Variants in SAMD12 observed in about 807,000 individuals in gnomAD.
SAMD12 encodes sterile alpha motif domain containing 12.
Under a neutral mutation model 15.0 loss-of-function variants are expected in SAMD12, and 9 were observed. The ratio of observed to expected loss-of-function variants is 0.60; its 90% CI spans 0.36 to 1.05. SAMD12 has a LOEUF of 1.05. Ranked by LOEUF, SAMD12 falls within the 50% of genes least tolerant of loss-of-function variation. SAMD12 has a pLI of 0.01. For missense variants in SAMD12, 230 were observed against 234.2 expected, an observed-to-expected ratio of 0.98 and a Z score of 0.12; for synonymous variants, 86 against 90.1, an observed-to-expected ratio of 0.96 and a Z score of 0.25.
At chr8:118,469,531 T>TATTTAA (rs1230688616) in intron 2 of SAMD12, among the ~76,000 whole-genome samples, 2 of 2,690 alleles carry the variant, frequency 7.4e-4, no homozygotes, top group African/African-American at 1.2e-3. Context: ...ATATAATATA[T>TATTTAA]TATATATATT....
chr8:118,543,991 CT>C (rs1826056818), intron 2 of SAMD12, among the ~76,000 whole-genome samples: 1 of 152,138 alleles, frequency 6.6e-6, no homozygotes, highest in South Asian at 2.1e-4. Flanking sequence ...TTGGCTCTCT[CT>C]GCATATAGAA....
intron 4 of SAMD12, among the ~76,000 whole-genome samples, chr8:118,326,290 T>A (rs964322268): frequency 3.9e-5 from 6 of 152,278 alleles, no homozygotes; most frequent in African/African-American, 1.4e-4. Flanking sequence ...GGACCAGGAT[T>A]GACATAAAAT....
chr8:118,222,814 C>T (rs921999342), intron 4 of SAMD12, among the ~76,000 whole-genome samples: 1 of 152,104 alleles, frequency 6.6e-6, no homozygotes, highest in Non-Finnish European at 1.5e-5. Flanking sequence ...CGAGGAAGTG[C>T]ATTTTAAAGT....
intron 4 of SAMD12, among the ~76,000 whole-genome samples, chr8:118,261,726 G>C (rs1813082328): frequency 1.3e-5 from 2 of 151,650 alleles, no homozygotes; most frequent in Admixed American, 6.6e-5. Flanking sequence ...TTTTGAAATA[G>C]GTGACAAGTC....
At chr8:118,503,844 C>G (rs151214281) in intron 2 of SAMD12, among the ~76,000 whole-genome samples, 8 of 152,282 alleles carry the variant, frequency 5.3e-5, no homozygotes, top group African/African-American at 1.9e-4. Context: ...CATCACAAAA[C>G]GGTTGCAGAG....
chr8:118,133,020 A>ATATATG, the SAMD12 span, among the ~76,000 whole-genome samples: 3 of 97,296 alleles, frequency 3.1e-5, no homozygotes, highest in African/African-American at 1.2e-4. Flanking sequence ...ATATATATAT[A>ATATATG]TATATATCTT....
In SAMD12 at chr8:118,431,717, T is replaced by TGC. The variant is rs71307457; in HGVS notation, c.322+8114_322+8115insGC. ...GTGTGTGTGTGTGTGTGTGTGTGTGTGTGTGTGTGTGTTTGAGAAAAGTAG... is the reference window on the plus strand; with the variant it reads ...GTGTGTGTGTGTGTGTGTGTGTGTGTGCGTGTGTGTGTGTTTGAGAAAAGTAG... On this transcript the variant is annotated intron_variant, in intron 3 of 3. Coordinates refer to ENST00000314727, the MANE Select transcript of SAMD12 (RefSeq NM_207506.3). Among the ~76,000 whole-genome samples the TGC allele has an allele frequency of 7.2e-3, 1,079 of 150,448 alleles. 8 individuals carry two copies. The highest frequency in any genetic ancestry group is 0.011 in the South Asian group (51 of 4,760).
At chr8:118,536,766 G>C (rs1399076247) in intron 2 of SAMD12, among the ~76,000 whole-genome samples, 1 of 152,212 alleles carries the variant, frequency 6.6e-6, no homozygotes, top group South Asian at 2.1e-4. Flanking sequence ...TTTGATTGAT[G>C]CATCTTTCAG....
At chr8:118,403,242 G>A (rs1303951517) in intron 3 of SAMD12, among the ~76,000 whole-genome samples, 1 of 152,152 alleles carries the variant, frequency 6.6e-6, no homozygotes, top group Non-Finnish European at 1.5e-5. Context: ...TGAAAACAAA[G>A]AGAAAGGAAC....
intron 2 of SAMD12, among the ~76,000 whole-genome samples, chr8:118,476,755 A>G (rs966734636): frequency 6.6e-6 from 1 of 152,120 alleles, no homozygotes; most frequent in African/African-American, 2.4e-5. Flanking sequence ...ATACATACTA[A>G]AATTATTTCA....
intron 2 of SAMD12, among the ~76,000 whole-genome samples, chr8:118,459,735 C>T (rs1001770299): frequency 4.6e-5 from 7 of 152,170 alleles, no homozygotes; most frequent in African/African-American, 9.7e-5. Context: ...AGGCAGAAGA[C>T]AAATGGTTAG....
intron 4 of SAMD12, among the ~76,000 whole-genome samples, chr8:118,372,793 C>T (rs1366410602): frequency 6.6e-6 from 1 of 151,940 alleles, no homozygotes; most frequent in Non-Finnish European, 1.5e-5. Flanking sequence ...GCAAAAAACA[C>T]AACTACTTTT....
the SAMD12 span, among the ~76,000 whole-genome samples, chr8:118,178,556 C>A: frequency 6.6e-6 from 1 of 152,200 alleles, no homozygotes; most frequent in African/African-American, 2.4e-5. Flanking sequence ...ACCTCCACCC[C>A]CTGGGTTCAA....
intron 4 of SAMD12, among the ~76,000 whole-genome samples, chr8:118,254,114 T>C (rs1417938743): frequency 4.6e-5 from 7 of 152,090 alleles, no homozygotes; most frequent in African/African-American, 1.4e-4. Flanking sequence ...CGTGTGAAAA[T>C]TGGCCACATC....
At chr8:118,541,803 TCAAGG>T (rs1201999388) in intron 2 of SAMD12, among the ~76,000 whole-genome samples, 1 of 152,230 alleles carries the variant, frequency 6.6e-6, no homozygotes, top group Non-Finnish European at 1.5e-5. Context: ...TACGAATTGA[TCAAGG>T]CAAGAAATGT....
At chr8:118,262,881 G>A (rs1176731641) in intron 4 of SAMD12, among the ~76,000 whole-genome samples, 2 of 152,004 alleles carry the variant, frequency 1.3e-5, no homozygotes, top group African/African-American at 4.8e-5. Flanking sequence ...CTATACTGGG[G>A]GAGGCACTCA....
At chr8:118,146,068 T>A in the SAMD12 span, among the ~76,000 whole-genome samples, 1 of 152,182 alleles carries the variant, frequency 6.6e-6, no homozygotes, top group Admixed American at 6.5e-5. Flanking sequence ...GTAAGGGTAA[T>A]GACAAGGTGC....
chr8:118,530,855 C>G (rs1422171407), intron 2 of SAMD12, among the ~76,000 whole-genome samples: 2 of 152,082 alleles, frequency 1.3e-5, no homozygotes, highest in African/African-American at 4.8e-5. Context: ...AAGTCATTCT[C>G]CCTAGAGACA....
chr8:118,290,157 C>T (rs143876503), intron 4 of SAMD12, among the ~76,000 whole-genome samples: 403 of 152,216 alleles, frequency 2.6e-3, no homozygotes, highest in Non-Finnish European at 4.1e-3. Context: ...AAAAAATGCC[C>T]TATTTGATAT....
Sources: allele counts gnomAD v4.1 joint callset (sites outside exome capture counted in the v4.1 genomes callset), GRCh38; gene constraint gnomAD v4.1.1; transcripts MANE v1.5; gene names NCBI Gene and HGNC (gene_info 2026-07-23, HGNC 2026-07-21).